Variants in NMUR1 observed in about 807,000 individuals in gnomAD.
NMUR1 encodes the protein neuromedin U receptor 1, also known as neuromedin-U receptor 1.
In NMUR1, 16 loss-of-function variants were observed where a neutral mutation model predicts 18.8. The ratio of observed to expected loss-of-function variants is 0.85; its 90% CI spans 0.58 to 1.29. The LOEUF is 1.29. NMUR1 is among the 50% of genes most tolerant of loss of function. The probability of loss-of-function intolerance (pLI) is 0.00; values close to 1 mark genes in which losing one functional copy is unlikely to be tolerated. For synonymous variants in NMUR1, 258 were observed against 258.2 expected, an observed-to-expected ratio of 1.00 and a Z score of 0.01; for missense variants, 529 against 580.3, an observed-to-expected ratio of 0.91 and a Z score of 0.91.
downstream of NMUR1, chr2:231,523,122 T>C (rs2047321024): frequency 6.0e-6 from 2 of 330,940 alleles, no homozygotes; most frequent in South Asian, 3.1e-4. Flanking sequence ...TCTATGTGTA[T>C]TGTGTATATA....
downstream of NMUR1, among the ~76,000 whole-genome samples, chr2:231,522,015 A>G (rs1287665417): frequency 1.6e-5 from 2 of 128,662 alleles, no homozygotes; most frequent in East Asian, 4.4e-4. Flanking sequence ...CCTCACTCCA[A>G]TTTGCCCAGG....
At chr2:231,521,973 C>CTCTCTCTTT (rs71396675), downstream of NMUR1, among the ~76,000 whole-genome samples, 106 of 83,830 alleles carry the variant, frequency 1.3e-3, no homozygotes, top group Middle Eastern at 0.011. Flanking sequence ...TTTTTTTTCT[C>CTCTCTCTTT]TTTTTTTTTT....
In NMUR1 at chr2:231,525,429, C is replaced by T. The variant is rs1353898240; in HGVS notation, c.899-4G>A. On this transcript the variant is annotated splice_polypyrimidine_tract_variant and splice_region_variant and intron_variant, in intron 2 of 2. Transcript: ENST00000305141. ...CCAAACACCACGACCAGGACAACTGCAGGGACAGAGAAGGGAGGCCGAGTG... is the reference window on the plus strand; with the variant it reads ...CCAAACACCACGACCAGGACAACTGTAGGGACAGAGAAGGGAGGCCGAGTG... The T allele has an allele frequency of 3.7e-6, 6 of 1,603,536 alleles. No homozygotes were observed. Among genetic ancestry groups the T allele is most frequent in the East Asian group, 2.2e-5 (1 of 44,764 alleles).
At position 231,525,000 on chromosome 2, in the gene NMUR1, T is replaced by C. The variant is rs1559165300; in HGVS notation, c.*43A>G. On this transcript the variant is annotated 3_prime_UTR_variant, in exon 3 of 3. Transcript: ENST00000305141. ...GCAGATGTGTCTCCCCAGCTCCAGG[T>C]GACCCTCTGGCCCCTCCAGGTGAAG... The C allele has an allele frequency of 6.6e-7, 1 of 1,510,260 alleles. No homozygotes were observed. The highest frequency in any genetic ancestry group is 2.3e-5 in the East Asian group (1 of 44,076). The allele number at this position is 1,510,260 out of a possible 1,614,324, so 93.6% of individuals were successfully genotyped here.
intron 1 of NMUR1, among the ~76,000 whole-genome samples, chr2:231,529,387 G>A (rs985275104): frequency 2.6e-5 from 4 of 152,120 alleles, no homozygotes; most frequent in African/African-American, 4.8e-5. Context: ...TTGAACCCAG[G>A]AGACAGAGGT....
chr2:231,527,822 CATTCTT>C (rs1438737844), intron 2 of NMUR1, among the ~76,000 whole-genome samples: 2 of 152,146 alleles, frequency 1.3e-5, no homozygotes, highest in African/African-American at 4.8e-5. Flanking sequence ...GCTGTCTTGA[CATTCTT>C]ATTCATTTTT....
chr2:231,524,888 T>A lies in NMUR1; in HGVS notation c.*155A>T. On this transcript the variant is annotated 3_prime_UTR_variant, in exon 3 of 3. Transcript: ENST00000305141. ...AGCAGTCAGGGATCCCTCCTCCTGC[T>A]GTTTCCCTCTGAGGGAAACTGAGGT... 3 of 947,726 alleles carry A rather than the reference T, an allele frequency of 3.2e-6. No individual in the cohort carries two copies. The highest frequency in any genetic ancestry group is 3.8e-5 in the South Asian group (2 of 52,808). 58.7% of individuals were successfully genotyped at this position (947,726 alleles called of 1,614,324 possible). A position where few individuals can be genotyped will look rare whatever the true frequency, so the allele number is the denominator to read the frequency against.
intron 2 of NMUR1, among the ~76,000 whole-genome samples, chr2:231,525,668 A>G (rs1326410518): frequency 2.0e-5 from 3 of 152,338 alleles, no homozygotes; most frequent in East Asian, 3.9e-4. Context: ...ACCACAGCCA[A>G]CTGGACCAGG....
In NMUR1 at chr2:231,524,977, A is replaced by C; in HGVS notation, c.*66T>G. 1 of 1,500,490 alleles carries C rather than the reference A, an allele frequency of 6.7e-7. No homozygotes were observed. Among genetic ancestry groups the C allele is most frequent in the South Asian group, 1.3e-5 (1 of 75,072 alleles). 92.9% of individuals were successfully genotyped at this position (1,500,490 alleles called of 1,614,324 possible). ...TGAAGGCATCCCTGCAGAGGAAGGC[A>C]GATGTGTCTCCCCAGCTCCAGGTGA... is the stretch of plus-strand genomic sequence containing the variant. On this transcript the variant is annotated 3_prime_UTR_variant, in exon 3 of 3. Transcript: ENST00000305141.
chr2:231,524,813 G>C lies in NMUR1; in HGVS notation c.*230C>G. 2 of 502,852 alleles carry C rather than the reference G, an allele frequency of 4.0e-6. No individual in the cohort carries two copies. The highest frequency in any genetic ancestry group is 6.9e-6 in the Non-Finnish European group (2 of 289,400). 31.1% of individuals were successfully genotyped at this position (502,852 alleles called of 1,614,324 possible). A position where few individuals can be genotyped will look rare whatever the true frequency, so the allele number is the denominator to read the frequency against. ...AAGGATTTGAACTGGGGGAGTGGCA[G>C]TGGACAGATAAGAAGCACAAGGTGT... On this transcript the variant is annotated 3_prime_UTR_variant, in exon 3 of 3. Coordinates refer to ENST00000305141, the MANE Select transcript of NMUR1 (RefSeq NM_006056.5).
chr2:231,523,033 G>A (rs1487042881), downstream of NMUR1: 1 of 298,980 alleles, frequency 3.3e-6, no homozygotes, highest in Non-Finnish European at 6.1e-6. Flanking sequence ...GCCCATCAGA[G>A]TGGATCCCAT....
chr2:231,523,821 T>G lies in NMUR1; in HGVS notation c.*1222A>C, dbSNP rs1009282207. 1 of 152,850 alleles carries G rather than the reference T, an allele frequency of 6.5e-6. No individual in the cohort carries two copies. Among genetic ancestry groups the G allele is most frequent in the East Asian group, 1.9e-4 (1 of 5,192 alleles). The allele number at this position is 152,850 out of a possible 1,614,324, so 9.5% of individuals were successfully genotyped here. A position where few individuals can be genotyped will look rare whatever the true frequency, so the allele number is the denominator to read the frequency against. The stretch of plus-strand genomic sequence containing the variant: ...TTCAAGGACTACTTGTCCCTGTCCC[T>G]CTTCTCACTGCATTGAGTTCGGCAG... On this transcript the variant is annotated 3_prime_UTR_variant, in exon 3 of 3. Coordinates refer to ENST00000305141, the MANE Select transcript of NMUR1 (RefSeq NM_006056.5).
chr2:231,529,900 G>A (rs578019689), intron 1 of NMUR1, among the ~76,000 whole-genome samples: 3 of 152,370 alleles, frequency 2.0e-5, no homozygotes, highest in African/African-American at 4.8e-5. Flanking sequence ...AAGTGAGGGA[G>A]TGTCAAGGCT....
In NMUR1 at chr2:231,528,682, G is replaced by A. The variant is rs757137719; in HGVS notation, c.339C>T (p.Gly113=). 8.1e-6 allele frequency: 13 copies of A among 1,614,250 alleles called. No individual in the cohort carries two copies. The highest frequency in any genetic ancestry group is 1.0e-5 in the Non-Finnish European group (12 of 1,180,036). The change falls in exon 2 of 3, where the codon GGC becomes GGT. Residue 113 remains glycine, a synonymous_variant. Transcript: ENST00000305141. ...ACATCTCATAGAGCTCCAGGGGCAG[G>A]CCCACCAGCAGCACCAGCAGGTCCG... ...AVSDLLVLLV[G]LPLELYEMWH...
intron 2 of NMUR1, among the ~76,000 whole-genome samples, chr2:231,525,778 C>G (rs890402240): frequency 6.6e-6 from 1 of 152,206 alleles, no homozygotes; most frequent in African/African-American, 2.4e-5. Context: ...TGGGGTGATA[C>G]AAGCTGTGGG....
At position 231,523,387 on chromosome 2, in the gene NMUR1, T is replaced by A. The variant is rs2047322777; in HGVS notation, c.*1656A>T. 2.9e-6 allele frequency: 1 copy of A among 340,662 alleles called. No homozygotes were observed. Among genetic ancestry groups the A allele is most frequent in the Non-Finnish European group, 5.4e-6 (1 of 186,178 alleles). 21.1% of individuals were successfully genotyped at this position (340,662 alleles called of 1,614,324 possible). The stretch of plus-strand genomic sequence containing the variant: ...TTTTCATTTTGCAAAACTGAAACTC[T>A]TCACCCATTAAAGAACTCCTCACTT... On this transcript the variant is annotated 3_prime_UTR_variant, in exon 3 of 3. Transcript: ENST00000305141.
Position 231,528,485 on chromosome 2 carries a change from C to T in NMUR1, c.536G>A (p.Arg179His), listed in dbSNP as rs2047380389. The T allele has an allele frequency of 6.2e-6, 10 of 1,613,650 alleles. No homozygotes were observed. The highest frequency in any genetic ancestry group is 1.3e-5 in the African/African-American group (1 of 75,068). Residue 179 changes from arginine to histidine, a missense_variant, in exon 2 of 3, where the codon CGC becomes CAC. Arg to His is a conservative substitution (Grantham distance 29). Transcript: ENST00000305141. ...ACCCCAGACGGCCCCAAGCACTCGG[C>T]GCACATGGGCCCGCGTCACCATGGA... ...ARSMVTRAHV[R>H]RVLGAVWGLA...
rs1575285727 is a variant in NMUR1 at position 231,524,787 on chromosome 2, T to G, written c.*256A>C. ...AGCTAACTGTGATATTTCTGCAGGG[T>G]AAGGATTTGAACTGGGGGAGTGGCA... On this transcript the variant is annotated 3_prime_UTR_variant, in exon 3 of 3. Transcript: ENST00000305141. 2.3e-6 allele frequency: 1 copy of G among 426,156 alleles called. No individual in the cohort carries two copies. Among genetic ancestry groups the G allele is most frequent in the Non-Finnish European group, 4.2e-6 (1 of 240,842 alleles). The allele number at this position is 426,156 out of a possible 1,614,324, so 26.4% of individuals were successfully genotyped here. A position where few individuals can be genotyped will look rare whatever the true frequency, so the allele number is the denominator to read the frequency against.
At chr2:231,529,053 A>T in intron 1 of NMUR1, 36 bp from the exon 2 acceptor site, 1 of 1,550,388 alleles carries the variant, frequency 6.4e-7, no homozygotes, top group South Asian at 1.2e-5. Context: ...CAGAAAGATC[A>T]TTCAGGGAAT....
Sources: allele counts gnomAD v4.1 joint callset (sites outside exome capture counted in the v4.1 genomes callset), GRCh38; gene constraint gnomAD v4.1.1; transcripts MANE v1.5; gene names NCBI Gene and HGNC (gene_info 2026-07-23, HGNC 2026-07-21).